PRSS53: variants seen among roughly 807,000 people sequenced by gnomAD.
PRSS53 encodes the protein serine protease 53.
In PRSS53, 54 loss-of-function variants were observed where a neutral mutation model predicts 62.7. The observed-to-expected ratio is 0.86, with a 90% CI of 0.69 to 1.08. PRSS53 has a LOEUF of 1.08. Ranked by LOEUF, PRSS53 falls within the 50% of genes least tolerant of loss-of-function variation. The pLI is 0.00. For synonymous variants in PRSS53, 273 were observed against 300.0 expected, an observed-to-expected ratio of 0.91 and a Z score of 0.93; for missense variants, 688 against 728.3, an observed-to-expected ratio of 0.94 and a Z score of 0.64.
At chr16:31,088,880 TC>T in exon 1 of PRSS53, 5 of 1,597,172 alleles carry the variant, frequency 3.1e-6, no homozygotes, top group Non-Finnish European at 4.3e-6. Flanking sequence ...TGGCTCCACC[TC>T]TGCTCCACCT....
At chr16:31,088,537 C>T (rs755662244) in intron 1 of PRSS53, 10 of 1,429,946 alleles carry the variant, frequency 7.0e-6, no homozygotes, top group African/African-American at 5.7e-5. Context: ...CCACAGGCCC[C>T]GCCAACGCAA....
In PRSS53 at chr16:31,086,975, G is replaced by A. The variant is rs1000094700; in HGVS notation, c.243-77C>T. 4 of 1,445,980 alleles carry A rather than the reference G, an allele frequency of 2.8e-6. No homozygotes were observed. In the Admixed American group the frequency reaches 9.7e-5, roughly 35 times the overall value. The allele number at this position is 1,445,980 out of a possible 1,614,324, so 89.6% of individuals were successfully genotyped here. On this transcript the variant is annotated intron_variant, in intron 3 of 10. Coordinates refer to ENST00000280606, the Ensembl canonical transcript of PRSS53. ...ACACCATGGGAGACCCCACAGGTAG[G>A]TGGAAGATAGCAGAGAGCACTCCAC...
Position 31,084,224 on chromosome 16 carries a change from C to T in PRSS53, c.1537G>A (p.Ala513Thr), listed in dbSNP as rs745731671. The stretch of plus-strand genomic sequence containing the variant: ...ACCCAGTCCTCATAGGCAGGGAGCG[C>T]GGTGAAGACCGCCGGCCTGGCGGGG... The change falls in exon 10 of 11, where the codon GCG becomes ACG. Residue 513 changes from alanine to threonine, a missense_variant. Physicochemically the swap from Ala to Thr is moderately conservative, Grantham distance 58. Transcript: ENST00000280606. 1.7e-5 allele frequency: 27 copies of T among 1,611,516 alleles called. No individual in the cohort carries two copies. The Admixed American group carries it at 2.2e-4, about 13-fold the overall frequency.
intron 8 of PRSS53, 30 bp from the exon 9 acceptor site, chr16:31,084,733 G>A (rs182403228): frequency 2.2e-5 from 36 of 1,600,246 alleles, no homozygotes; most frequent in East Asian, 1.1e-4. Context: ...TGGCTGCCCC[G>A]GCCTGCAGGT....
Position 31,084,291 on chromosome 16 carries a change from C to T in PRSS53, c.1470G>A (p.Trp490Ter), listed in dbSNP as rs1290909443. The T allele has an allele frequency of 6.2e-7, 1 of 1,612,920 alleles. No individual in the cohort carries two copies. The highest frequency in any genetic ancestry group is 2.2e-5 in the East Asian group (1 of 44,890). The stretch of plus-strand genomic sequence containing the variant: ...CGAAGCTGTGCAGCCCGGCCAGGAA[C>T]CATGTGCCCCTCACCTCATGCACCA... The change falls in exon 10 of 11, where the codon TGG becomes TGA. Residue 490 changes from tryptophan (W) to a stop codon, truncating the protein, a stop_gained. Coordinates refer to ENST00000280606, the Ensembl canonical transcript of PRSS53. LOFTEE classifies it high-confidence loss of function.
rs954320367 is a variant in PRSS53 at position 31,087,033 on chromosome 16, G to A, written c.243-135C>T. The A allele has an allele frequency of 7.4e-6, 7 of 947,012 alleles. No homozygotes were observed. In the Admixed American group the frequency reaches 2.3e-4, roughly 31 times the overall value. The allele number at this position is 947,012 out of a possible 1,614,324, so 58.7% of individuals were successfully genotyped here. A position where few individuals can be genotyped will look rare whatever the true frequency, so the allele number is the denominator to read the frequency against. On this transcript the variant is annotated intron_variant, in intron 3 of 10. Transcript: ENST00000280606. ...TCTTTTTGAGGTAGGGTCTCGTCCT[G>A]TCGCCCAGGCTGCAGTGCAGTGGCA... is the stretch of plus-strand genomic sequence containing the variant.
chr16:31,086,592 G>A (rs952858743), intron 4 of PRSS53, 41 bp downstream of exon 4: 5 of 1,546,208 alleles, frequency 3.2e-6, no homozygotes, highest in African/African-American at 2.7e-5. Flanking sequence ...CGCTGGGCAA[G>A]CAGAGTGCCT....
chr16:31,083,624 T>C, exon 11 of PRSS53: 1 of 1,506,244 alleles, frequency 6.6e-7, no homozygotes, highest in Admixed American at 2.0e-5. Flanking sequence ...TCCTGCAGGG[T>C]GGGGAGTGGG....
chr16:31,086,207 G>A (rs768818945), intron 5 of PRSS53, 24 bp from the exon 6 acceptor site: 8 of 1,603,046 alleles, frequency 5.0e-6, no homozygotes, highest in Middle Eastern at 2.2e-4. Context: ...ACAAAGCCAA[G>A]GACAGATGCC....
At position 31,085,993 on chromosome 16, in the gene PRSS53, G is replaced by A. The variant is rs201095649; in HGVS notation, c.854C>T (p.Pro285Leu). The change falls in exon 6 of 11, where the codon CCG (proline) becomes CTG (leucine). Residue 285 changes from proline (P) to leucine (L), a missense_variant. Pro to Leu is a moderately conservative substitution (Grantham distance 98). Coordinates refer to ENST00000280606, the Ensembl canonical transcript of PRSS53. ...ACAGCTGTCCTCATCACTCATCTCC[G>A]GGGTCTCTGGGCTCTGGGCCAGGAA... The A allele has an allele frequency of 6.9e-5, 111 of 1,613,976 alleles. No homozygotes were observed. Among genetic ancestry groups the A allele is most frequent in the East Asian group, 1.3e-4 (6 of 44,860 alleles).
intron 2 of PRSS53, 30 bp downstream of exon 2, chr16:31,087,776 A>C: frequency 6.2e-7 from 1 of 1,614,114 alleles, no homozygotes; most frequent in South Asian, 1.1e-5. Flanking sequence ...GACCCAAGTA[A>C]GACCTAGGCC....
intron 9 of PRSS53, 81 bp from the exon 10 acceptor site, chr16:31,084,416 T>G: frequency 1.3e-6 from 2 of 1,503,902 alleles, no homozygotes; most frequent in Non-Finnish European, 1.8e-6. Context: ...AACCTCTGGC[T>G]GTTTGGGGGC....
intron 3 of PRSS53, 155 bp downstream of exon 3, chr16:31,087,382 C>A (rs958526642): frequency 1.6e-6 from 1 of 635,250 alleles, no homozygotes; most frequent in Non-Finnish European, 2.8e-6. Context: ...GTGGTTGTTA[C>A]AATTAACTTG....
chr16:31,083,959 A>C (rs2057198180), intron 10 of PRSS53, 150 bp from the exon 11 acceptor site: 24 of 1,509,600 alleles, frequency 1.6e-5, no homozygotes, highest in Admixed American at 4.2e-5. Flanking sequence ...GCCTGCTCCA[A>C]GTCACACGAT....
At chr16:31,084,582 A>G (rs1262284375) in exon 9 of PRSS53, 1 of 1,606,662 alleles carries the variant, frequency 6.2e-7, no homozygotes, top group South Asian at 1.1e-5. Context: ...GCTCACCCAC[A>G]GCACTGGTAC....
chr16:31,086,411 G>T, exon 5 of PRSS53: 5 of 1,614,138 alleles, frequency 3.1e-6, no homozygotes, highest in Non-Finnish European at 4.2e-6. Context: ...GACAGGTGTC[G>T]CTGGTGCAGC....
Position 31,085,010 on chromosome 16 carries a change from T to TCTGGGGC in PRSS53, c.1042_1048dup (p.Glu350GlyfsTer31). ...GGTCCCCAGCCCTACGCTCCATTCC[T>TCTGGGGC]CTGGGGCCTGGCGCCTGTGCAGAGG... is the stretch of plus-strand genomic sequence containing the variant. On this transcript the variant is annotated frameshift_variant, in exon 8 of 11. Transcript: ENST00000280606. LOFTEE classifies it high-confidence loss of function. 1 of 1,592,840 alleles carries TCTGGGGC rather than the reference T, an allele frequency of 6.3e-7. No individual in the cohort carries two copies. Among genetic ancestry groups the TCTGGGGC allele is most frequent in the Non-Finnish European group, 8.5e-7 (1 of 1,169,946 alleles).
intron 6 of PRSS53, among the ~76,000 whole-genome samples, 160 bp downstream of exon 6, chr16:31,085,804 G>A (rs1199511049): frequency 1.3e-5 from 2 of 152,168 alleles, no homozygotes; most frequent in Non-Finnish European, 2.9e-5. Context: ...GTTCCAAAGT[G>A]CCTGTGCCTC....
chr16:31,088,717 A>T (rs766224098), intron 1 of PRSS53, 35 bp downstream of exon 1: 4 of 1,611,740 alleles, frequency 2.5e-6, no homozygotes, highest in Non-Finnish European at 3.4e-6. Flanking sequence ...AGCCCCCACC[A>T]GGCCACACCC....
Sources: allele counts gnomAD v4.1 joint callset (sites outside exome capture counted in the v4.1 genomes callset), GRCh38; gene constraint gnomAD v4.1.1; transcripts MANE v1.5; gene names NCBI Gene and HGNC (gene_info 2026-07-23, HGNC 2026-07-21).